MYOM1: variants seen among roughly 807,000 people sequenced by gnomAD.
MYOM1 encodes myomesin 1.
In MYOM1, 164 loss-of-function variants were observed where a neutral mutation model predicts 205.3. The ratio of observed to expected loss-of-function variants is 0.80; its 90% CI spans 0.70 to 0.91. MYOM1 has a LOEUF of 0.91. Ranked by LOEUF, MYOM1 falls within the 40% of genes least tolerant of loss-of-function variation. MYOM1 has a pLI of 0.00. For synonymous variants in MYOM1, 772 were observed against 789.4 expected (o/e 0.98, Z 0.37); for missense variants, 2,011 against 2,127.3 (o/e 0.95, Z 1.08).
upstream of MYOM1, among the ~76,000 whole-genome samples, chr18:3,223,442 A>G (rs989925513): frequency 6.6e-6 from 1 of 152,210 alleles, no homozygotes. Context: ...TTCCTACTTC[A>G]GTGTTGACTA....
intron 26 of MYOM1, among the ~76,000 whole-genome samples, chr18:3,092,099 A>T (rs377463078): frequency 3.5e-4 from 54 of 152,266 alleles, no homozygotes; most frequent in African/African-American, 1.3e-3. Flanking sequence ...TTGCTCATTC[A>T]TCGCTATCTC....
the MYOM1 span, among the ~76,000 whole-genome samples, chr18:3,231,417 C>T: frequency 6.6e-6 from 1 of 151,962 alleles, no homozygotes; most frequent in East Asian, 1.9e-4. Context: ...AGAGGTGCAA[C>T]TGGAGAACAA....
intron 25 of MYOM1, among the ~76,000 whole-genome samples, chr18:3,096,842 T>C (rs1032097618): frequency 2.0e-5 from 3 of 152,144 alleles, no homozygotes; most frequent in South Asian, 2.1e-4. Context: ...TGTATGGATA[T>C]ATATTCAAAT....
chr18:3,110,137 T>C (rs1288191265), intron 22 of MYOM1, among the ~76,000 whole-genome samples: 1 of 152,248 alleles, frequency 6.6e-6, no homozygotes, highest in African/African-American at 2.4e-5. Context: ...ATATGATAAT[T>C]CTTTCTCATA....
chr18:3,067,437 G>A lies in MYOM1; in HGVS notation c.4883C>T (p.Thr1628Ile), dbSNP rs2078909787. Residue 1628 changes from threonine to isoleucine, a missense_variant, in exon 38 of 38, where the codon ACC becomes ATC. Coordinates refer to ENST00000356443, the MANE Select transcript of MYOM1 (RefSeq NM_003803.4). ...CACGCCGTTGATGGTGAAGTACGCG[G>A]TCCTCCCAGCCTCGAACTTGAGGTT... ...HCNLKFEAGR[T>I]AYFTINGVST... The A allele has an allele frequency of 1.3e-5, 21 of 1,613,722 alleles. No homozygotes were observed. Among genetic ancestry groups the A allele is most frequent in the Non-Finnish European group, 1.7e-5 (20 of 1,179,892 alleles).
At chr18:3,076,224 C>T (rs1176126363) in intron 34 of MYOM1, among the ~76,000 whole-genome samples, 1 of 152,020 alleles carries the variant, frequency 6.6e-6, no homozygotes, top group Middle Eastern at 3.2e-3. Context: ...TGCGCCATCA[C>T]ACCCAGTTAA....
intron 8 of MYOM1, among the ~76,000 whole-genome samples, chr18:3,170,999 C>A (rs1444888987): frequency 4.6e-5 from 7 of 152,186 alleles, no homozygotes; most frequent in Admixed American, 6.5e-5. Flanking sequence ...TTGGTCCAAG[C>A]ATTTAATACC....
rs748715192 is a variant in MYOM1, at chr18:3,189,009, A to T, written c.510T>A (p.Asn170Lys). 1 of 1,613,630 alleles carries T rather than the reference A, an allele frequency of 6.2e-7. No homozygotes were observed. Among genetic ancestry groups the T allele is most frequent in the Non-Finnish European group, 8.5e-7 (1 of 1,179,846 alleles). The change falls in exon 4 of 38, where the codon AAT (asparagine) becomes AAA (lysine). Residue 170 changes from asparagine to lysine, a missense_variant. Transcript: ENST00000356443. This position sits in a 1 kb window ranked among gnomAD's most constrained non-coding sequence, Gnocchi z 4.8. ...TGATTCCTTCCTCACTAGCAAGAAG[A>T]TTCCTCTGGGCTATATAAGCAGCAG... ...KEAAAYIAQR[N>K]LLASEEGITT...
In MYOM1 at chr18:3,135,263, T is replaced by G. The variant is rs2079939127; in HGVS notation, c.2209+284A>C. 1.3e-5 allele frequency: 4 copies of G among 317,214 alleles called. No homozygotes were observed. The East Asian group carries it at 1.9e-4, about 15-fold the overall frequency. The allele number at this position is 317,214 out of a possible 1,614,324, so 19.6% of individuals were successfully genotyped here. Reference sequence around the variant, plus strand: ...CCGCGCCTGGCCTACATTGTATTTTTTAAAGCAAAAAATTTTAAAACAGTT... The same window carrying G: ...CCGCGCCTGGCCTACATTGTATTTTGTAAAGCAAAAAATTTTAAAACAGTT... On this transcript the variant is annotated intron_variant, in intron 15 of 37. Coordinates refer to ENST00000356443, the MANE Select transcript of MYOM1 (RefSeq NM_003803.4). This position sits in a 1 kb window ranked among gnomAD's most constrained non-coding sequence, Gnocchi z 4.1.
intron 6 of MYOM1, among the ~76,000 whole-genome samples, chr18:3,174,457 T>C (rs1157670522): frequency 6.6e-6 from 1 of 151,154 alleles, no homozygotes; most frequent in East Asian, 1.9e-4. Flanking sequence ...TAGTTCACTG[T>C]GACCCTAGCC....
At chr18:3,234,196 A>G in the MYOM1 span, among the ~76,000 whole-genome samples, 1 of 152,242 alleles carries the variant, frequency 6.6e-6, no homozygotes, top group Non-Finnish European at 1.5e-5. Context: ...GAAGAAGAAG[A>G]ATATAATGTT....
At chr18:3,220,211 G>A (rs887895578), upstream of MYOM1, 2 of 152,176 alleles carry the variant, frequency 1.3e-5, no homozygotes, top group African/African-American at 2.4e-5. Flanking sequence ...AAAGTGTAAT[G>A]GAAAGAGTGG....
chr18:3,132,801 T>G (rs1207068798), intron 16 of MYOM1, among the ~76,000 whole-genome samples: 1 of 152,202 alleles, frequency 6.6e-6, no homozygotes, highest in Non-Finnish European at 1.5e-5. Flanking sequence ...ATGGGAAGTT[T>G]CATCCATAAA....
Position 3,119,862 on chromosome 18 carries a change from G to A in MYOM1, c.3118+7C>T. On this transcript the variant is annotated splice_region_variant and intron_variant, in intron 20 of 37. Transcript: ENST00000356443. ...GTGCGGTGTGGAGGCAGGTGTCTGT[G>A]GTTTACCTGGGACGGCGATGGTCCA... 6.3e-7 allele frequency: 1 copy of A among 1,597,958 alleles called. No homozygotes were observed. The highest frequency in any genetic ancestry group is 8.5e-7 in the Non-Finnish European group (1 of 1,169,880).
intron 8 of MYOM1, among the ~76,000 whole-genome samples, chr18:3,170,484 A>T (rs1352814523): frequency 1.3e-5 from 2 of 152,218 alleles, no homozygotes; most frequent in Non-Finnish European, 2.9e-5. Flanking sequence ...CAGTTTCTTT[A>T]ATGATCTGAG....
chr18:3,088,451 C>T (rs2079181735), intron 29 of MYOM1, among the ~76,000 whole-genome samples: 1 of 152,124 alleles, frequency 6.6e-6, no homozygotes, highest in Non-Finnish European at 1.5e-5. Context: ...GAGTTTATCA[C>T]ATCTAGTAGA....
Position 3,188,735 on chromosome 18 carries a change from T to C in MYOM1, c.771+13A>G. 6.5e-7 allele frequency: 1 copy of C among 1,543,134 alleles called. No homozygotes were observed. Among genetic ancestry groups the C allele is most frequent in the Non-Finnish European group, 8.7e-7 (1 of 1,143,498 alleles). On this transcript the variant is annotated intron_variant, in intron 4 of 37. Transcript: ENST00000356443. ...TCCACCTTTGTAAGTTACTTTAAAC[T>C]GTCTTTTCTTACTGTTTTCCTCAGG...
chr18:3,173,892 T>C (rs760598632), intron 8 of MYOM1, 46 bp downstream of exon 8: 5 of 1,544,832 alleles, frequency 3.2e-6, no homozygotes, highest in South Asian at 2.2e-5. Flanking sequence ...TATTATGCCA[T>C]ATTTTACATA....
intron 20 of MYOM1, among the ~76,000 whole-genome samples, chr18:3,117,293 A>G (rs1481043972): frequency 6.6e-6 from 1 of 152,216 alleles, no homozygotes; most frequent in Non-Finnish European, 1.5e-5. Context: ...ATCACTCCCA[A>G]TTGGAGGAAA....
Sources: allele counts gnomAD v4.1 joint callset (sites outside exome capture counted in the v4.1 genomes callset), GRCh38; gene constraint gnomAD v4.1.1; non-coding constraint Gnocchi (gnomAD v3.1); transcripts MANE v1.5; gene names NCBI Gene and HGNC (gene_info 2026-07-23, HGNC 2026-07-21).